The following HHATL variants were observed in gnomAD, a reference collection of about 807,000 sequenced individuals.
HHATL encodes hedgehog acyltransferase like.
A neutral mutation model predicts 59.7 loss-of-function variants in HHATL; 49 were observed. That is an observed-to-expected ratio of 0.82 (90% CI 0.65 to 1.04). HHATL has a LOEUF of 1.04. Ranked by LOEUF, HHATL falls within the 50% of genes least tolerant of loss-of-function variation. The pLI is 0.00. For missense variants in HHATL, 605 were observed against 650.8 expected (o/e 0.93, Z 0.77); for synonymous variants, 238 against 257.3 (o/e 0.93, Z 0.72).
At chr3:42,700,861 G>C in intron 1 of HHATL, 22 bp from the exon 2 acceptor site, 4 of 1,523,238 alleles carry the variant, frequency 2.6e-6, no homozygotes, top group Non-Finnish European at 3.6e-6. Context: ...GGTTGGGTGA[G>C]GGAATTACAG....
intron 2 of HHATL, among the ~76,000 whole-genome samples, chr3:42,700,312 G>T (rs920982669): frequency 6.1e-5 from 9 of 148,396 alleles, no homozygotes; most frequent in Non-Finnish European, 1.3e-4. Context: ...GTGTTGGGGG[G>T]TGTGTGTATA....
intron 4 of HHATL, 62 bp downstream of exon 4, chr3:42,698,970 A>G (rs1480022547): frequency 1.2e-6 from 2 of 1,610,670 alleles, no homozygotes; most frequent in East Asian, 2.2e-5. Flanking sequence ...GGGGGTTCCC[A>G]CAACCCTTGT....
chr3:42,694,878 CACTT>C (rs1302687589), intron 9 of HHATL, among the ~76,000 whole-genome samples: 2 of 152,196 alleles, frequency 1.3e-5, no homozygotes, highest in Non-Finnish European at 2.9e-5. Context: ...TTCTTCATAA[CACTT>C]ACCACTCTCT....
At chr3:42,696,957 G>A in intron 8 of HHATL, 44 bp downstream of exon 8, 1 of 1,613,746 alleles carries the variant, frequency 6.2e-7, no homozygotes, top group Non-Finnish European at 8.5e-7. Context: ...AGGGGAAGGT[G>A]TGGTCCCAGG....
chr3:42,697,137 C>T lies in HHATL; in HGVS notation c.874G>A (p.Ala292Thr), dbSNP rs554327834. ...CAGTCATACACCAGGTTTGAATAGG[C>T]TAGGCCAGCTGGGGGCAGGGCACTG... ...RLPDSALAGL[A>T]YSNLVYDWVK... is the part of the protein sequence containing the mutation. The change falls in exon 8 of 12, where the codon GCC (alanine) becomes ACC (threonine). Residue 292 changes from alanine (A) to threonine (T), a missense_variant. Transcript: ENST00000441594. 5.2e-6 allele frequency: 8 copies of T among 1,528,134 alleles called. No individual in the cohort carries two copies. The African/African-American group carries it at 8.3e-5, about 16-fold the overall frequency. 94.7% of individuals were successfully genotyped at this position (1,528,134 alleles called of 1,614,324 possible).
chr3:42,699,971 T>C (rs949599893), intron 2 of HHATL, 146 bp from the exon 3 acceptor site: 8 of 650,868 alleles, frequency 1.2e-5, no homozygotes, highest in African/African-American at 5.5e-5. Context: ...CATCTGCTTC[T>C]TTCTGGGTCT....
chr3:42,699,915 C>T (rs1345241953), intron 2 of HHATL, 90 bp from the exon 3 acceptor site: 5 of 1,065,922 alleles, frequency 4.7e-6, no homozygotes, highest in East Asian at 2.6e-5. Context: ...CCCTGGGGAG[C>T]GAGGGCATCA....
chr3:42,693,589 G>A (rs1452692476), intron 10 of HHATL, 28 bp downstream of exon 10: 2 of 1,601,622 alleles, frequency 1.2e-6, no homozygotes, highest in Non-Finnish European at 1.7e-6. Context: ...GACCCAGCCA[G>A]TCCCAGCCCC....
At chr3:42,697,214 C>T in intron 7 of HHATL, 69 bp from the exon 8 acceptor site, 1 of 1,490,032 alleles carries the variant, frequency 6.7e-7, no homozygotes. Context: ...AGACCCTGTC[C>T]CACCACTTCC....
chr3:42,697,709 AG>A, intron 6 of HHATL, 30 bp from the exon 7 acceptor site: 1 of 1,599,502 alleles, frequency 6.3e-7, no homozygotes, highest in Admixed American at 1.7e-5. Context: ...CTGAGGGAAG[AG>A]GCAAGCCCTG....
intron 9 of HHATL, among the ~76,000 whole-genome samples, chr3:42,696,630 C>T (rs1331295443): frequency 6.6e-6 from 1 of 152,170 alleles, no homozygotes; most frequent in Non-Finnish European, 1.5e-5. Context: ...ACTGTGTGAC[C>T]CTCCTCCCAC....
intron 9 of HHATL, among the ~76,000 whole-genome samples, chr3:42,695,450 C>G (rs1448658276): frequency 6.6e-6 from 1 of 152,236 alleles, no homozygotes; most frequent in Non-Finnish European, 1.5e-5. Context: ...AATCTCACAT[C>G]TTCACATGCT....
At position 42,698,175 on chromosome 3, in the gene HHATL, C is replaced by T; in HGVS notation, c.660G>A (p.Gly220=). 1 of 1,614,156 alleles carries T rather than the reference C, an allele frequency of 6.2e-7. No homozygotes were observed. The highest frequency in any genetic ancestry group is 8.5e-7 in the Non-Finnish European group (1 of 1,180,020). The stretch of plus-strand genomic sequence containing the variant: ...GGAAGCGATCAAAGGTCATGATGGG[C>T]CCGAAGAAGAAGAAGGGCAGGTAGA... ...YNFYLPFFFF[G]PIMTFDRFHA... The change falls in exon 6 of 12, where the codon GGG becomes GGA. Residue 220 remains glycine (G), a synonymous_variant. Coordinates refer to ENST00000441594, the MANE Select transcript of HHATL (RefSeq NM_020707.4).
Position 42,698,274 on chromosome 3 carries a change from G to A in HHATL, c.561C>T (p.Cys187=), listed in dbSNP as rs1367607630. The part of the protein sequence containing the change: ...HGGSSFTVLR[C]TSFALESCAH... Reference sequence around the variant, plus strand: ...CACAGCTCTCCAGTGCAAAGCTGGTGCAACGCAGCACTGTGAAGCTGCTGC... The same window carrying A: ...CACAGCTCTCCAGTGCAAAGCTGGTACAACGCAGCACTGTGAAGCTGCTGC... Residue 187 remains cysteine (C), a synonymous_variant, in exon 6 of 12, where the codon TGC becomes TGT. Transcript: ENST00000441594. The A allele has an allele frequency of 1.2e-6, 2 of 1,614,018 alleles. No individual in the cohort carries two copies. The highest frequency in any genetic ancestry group is 4.5e-5 in the East Asian group (2 of 44,896).
rs1310598439 is a variant in HHATL, at chr3:42,699,822, C to G, written c.110G>C (p.Gly37Ala). The G allele has an allele frequency of 2.6e-6, 4 of 1,561,184 alleles. No individual in the cohort carries two copies. The highest frequency in any genetic ancestry group is 1.7e-6 in the Non-Finnish European group (2 of 1,152,060). Residue 37 changes from glycine (G) to alanine (A), a missense_variant, in exon 3 of 12, where the codon GGG becomes GCG. Coordinates refer to ENST00000441594, the MANE Select transcript of HHATL (RefSeq NM_020707.4). ...GRGLLEASQD[G>A]AHRKAFRESV... ...CTCCCGGAAGGCCTTCCTGTGGGCCCCATCTGAGAACAGAGTGTGGCCTCA... is the reference window on the plus strand; with the variant it reads ...CTCCCGGAAGGCCTTCCTGTGGGCCGCATCTGAGAACAGAGTGTGGCCTCA...
intron 6 of HHATL, 139 bp downstream of exon 6, chr3:42,698,002 AG>A: frequency 1.1e-6 from 1 of 905,682 alleles, no homozygotes; most frequent in Non-Finnish European, 1.7e-6. Context: ...CTGAGGAGGG[AG>A]GGGAGACACG....
Position 42,697,573 on chromosome 3 carries a change from A to T in HHATL, c.800T>A (p.Phe267Tyr), listed in dbSNP as rs1403192264. 3.1e-6 allele frequency: 5 copies of T among 1,614,046 alleles called. No homozygotes were observed. Among genetic ancestry groups the T allele is most frequent in the Non-Finnish European group, 4.2e-6 (5 of 1,179,976 alleles). Residue 267 changes from phenylalanine (F) to tyrosine (Y), a missense_variant, in exon 7 of 12, where the codon TTC becomes TAC. Physicochemically the swap from Phe to Tyr is conservative, Grantham distance 22. Transcript: ENST00000441594. ...GCTGGGGATAGTGAGGATGTAGAAG[A>T]AGTGAAAGAAGATGTCGACGGCCAT... ...AIMAVDIFFH[F>Y]FYILTIPSDL...
intron 10 of HHATL, 76 bp from the exon 11 acceptor site, chr3:42,693,294 C>A: frequency 6.4e-7 from 1 of 1,564,596 alleles, no homozygotes; most frequent in Non-Finnish European, 8.7e-7. Flanking sequence ...AGCAGCCTTA[C>A]CCACCTGGCC....
chr3:42,698,569 G>T, intron 5 of HHATL, 139 bp downstream of exon 5: 1 of 1,104,674 alleles, frequency 9.1e-7, no homozygotes, highest in Non-Finnish European at 1.3e-6. Flanking sequence ...TCACCTTGTG[G>T]CCAGGACATA....
Sources: gnomAD v4.1 joint callset for allele counts (sites outside exome capture counted in the v4.1 genomes callset) on GRCh38, gnomAD v4.1.1 for gene constraint, MANE v1.5 for transcripts, NCBI Gene and HGNC (gene_info 2026-07-23, HGNC 2026-07-21) for gene names.